Variants in KCMF1 observed in about 807,000 individuals in gnomAD.
The protein encoded by KCMF1 is potassium channel modulatory factor 1, also known as E3 ubiquitin-protein ligase KCMF1.
A neutral mutation model predicts 41.1 loss-of-function variants in KCMF1; 3 were observed. The observed-to-expected ratio is 0.07, with a 90% confidence interval of 0.03 to 0.19. The LOEUF is 0.19. Ranked by LOEUF, KCMF1 falls within the 10% of genes least tolerant of loss-of-function variation. The pLI is 1.00. For synonymous variants in KCMF1, 142 were observed against 164.5 expected (o/e 0.86, Z 1.04); for missense variants, 286 against 488.9 (o/e 0.58, Z 3.91).
chr2:85,000,804 G>C (rs1674307124), intron 1 of KCMF1, among the ~76,000 whole-genome samples: 1 of 144,632 alleles, frequency 6.9e-6, no homozygotes. Context: ...TAAGAGTCAG[G>C]GTCTTGCTTT....
At position 85,053,610 on chromosome 2, in the gene KCMF1, G is replaced by A; in HGVS notation, c.*201G>A. 1.6e-6 allele frequency: 1 copy of A among 615,470 alleles called. No individual in the cohort carries two copies. The highest frequency in any genetic ancestry group is 2.1e-5 in the South Asian group (1 of 48,456). 38.1% of individuals were successfully genotyped at this position (615,470 alleles called of 1,614,324 possible). A position where few individuals can be genotyped will look rare whatever the true frequency, so the allele number is the denominator to read the frequency against. ...TTTTACTTCTAGCAGGTAAATGTAGGTAGCAGTGCAGGGGTGATCTCTGCT... is the reference window on the plus strand; with the variant it reads ...TTTTACTTCTAGCAGGTAAATGTAGATAGCAGTGCAGGGGTGATCTCTGCT... On this transcript the variant is annotated 3_prime_UTR_variant, in exon 7 of 7. Transcript: ENST00000409785.
At chr2:85,020,774 CTT>C (rs1182013082) in intron 1 of KCMF1, among the ~76,000 whole-genome samples, 1 of 152,194 alleles carries the variant, frequency 6.6e-6, no homozygotes, top group Non-Finnish European at 1.5e-5. Flanking sequence ...TATTCCATCT[CTT>C]TGCTCAGGTA....
At chr2:85,044,802 G>A (rs577543826) in intron 4 of KCMF1, among the ~76,000 whole-genome samples, 1 of 152,350 alleles carries the variant, frequency 6.6e-6, no homozygotes, top group East Asian at 1.9e-4. Context: ...TCAGGCGTGA[G>A]CCACCACGCC....
chr2:84,989,717 G>C (rs1207323315), intron 1 of KCMF1, among the ~76,000 whole-genome samples: 1 of 152,180 alleles, frequency 6.6e-6, no homozygotes, highest in African/African-American at 2.4e-5. Flanking sequence ...CATTCATCAT[G>C]ATGCATATAG....
At chr2:85,027,802 G>A (rs567317168) in intron 1 of KCMF1, 87 bp from the exon 2 acceptor site, 4 of 785,640 alleles carry the variant, frequency 5.1e-6, no homozygotes, top group East Asian at 2.7e-5. Flanking sequence ...GACATATGAG[G>A]TTAAATGAGC....
intron 2 of KCMF1, among the ~76,000 whole-genome samples, chr2:85,029,934 G>A (rs959374618): frequency 9.2e-5 from 14 of 151,736 alleles, no homozygotes; most frequent in Non-Finnish European, 1.3e-4. Flanking sequence ...ATCCACTTGC[G>A]GGCCTCCCAG....
chr2:84,994,553 G>A (rs1574012265), intron 1 of KCMF1, among the ~76,000 whole-genome samples: 1 of 152,004 alleles, frequency 6.6e-6, no homozygotes, highest in Non-Finnish European at 1.5e-5. Context: ...ACAGGCATGC[G>A]CCGCCACACC....
intron 1 of KCMF1, among the ~76,000 whole-genome samples, chr2:85,007,246 T>G (rs1449040493): frequency 6.6e-6 from 1 of 152,222 alleles, no homozygotes; most frequent in Admixed American, 6.5e-5. Context: ...ACATATTGTT[T>G]AGTTATGAAA....
At chr2:85,018,267 A>ATT (rs373718008) in intron 1 of KCMF1, among the ~76,000 whole-genome samples, 2,006 of 126,808 alleles carry the variant, frequency 0.016, 28 homozygotes, top group South Asian at 0.051. Flanking sequence ...ACTAAGCTAG[A>ATT]TTTTTTTTTT....
chr2:85,032,028 G>T (rs1049241289), intron 2 of KCMF1, among the ~76,000 whole-genome samples: 1 of 152,156 alleles, frequency 6.6e-6, no homozygotes, highest in Non-Finnish European at 1.5e-5. Context: ...ATGAGCCACC[G>T]CGGCTGTTTT....
chr2:84,996,200 T>A (rs140725949), intron 1 of KCMF1, among the ~76,000 whole-genome samples: 1 of 152,200 alleles, frequency 6.6e-6, no homozygotes, highest in Non-Finnish European at 1.5e-5. Flanking sequence ...TTGACAGTTA[T>A]GTGAAAGGTG....
intron 1 of KCMF1, among the ~76,000 whole-genome samples, chr2:85,007,652 A>G (rs1674505409): frequency 6.6e-6 from 1 of 152,228 alleles, no homozygotes; most frequent in Admixed American, 6.5e-5. Context: ...AGTCCAGATA[A>G]GATACGGGGA....
At chr2:85,007,299 A>ATT (rs1674497496) in intron 1 of KCMF1, among the ~76,000 whole-genome samples, 5 of 152,208 alleles carry the variant, frequency 3.3e-5, no homozygotes, top group Admixed American at 2.0e-4. Flanking sequence ...AGGAAAGAGC[A>ATT]GTTTGCACTA....
intron 3 of KCMF1, among the ~76,000 whole-genome samples, chr2:85,036,762 A>G (rs1191875456): frequency 6.6e-6 from 1 of 151,374 alleles, no homozygotes; most frequent in Non-Finnish European, 1.5e-5. Flanking sequence ...ACTGCATTGC[A>G]CTGCAGCCTG....
In KCMF1 at chr2:85,058,566, A is replaced by G. The variant is rs1236875123; in HGVS notation, c.*5157A>G. The G allele has an allele frequency of 6.6e-6, 1 of 152,158 alleles. No individual in the cohort carries two copies. The highest frequency in any genetic ancestry group is 2.4e-5 in the African/African-American group (1 of 41,432). 9.4% of individuals were successfully genotyped at this position (152,158 alleles called of 1,614,324 possible). ...CTGTAGAATGTTGGCTCCTCTGTCT[A>G]TAGAAACCATCAGTTCGCTGCTCTC... On this transcript the variant is annotated 3_prime_UTR_variant, in exon 7 of 7. Transcript: ENST00000409785.
intron 1 of KCMF1, among the ~76,000 whole-genome samples, chr2:84,974,687 A>G (rs1171167014): frequency 2.8e-5 from 1 of 35,468 alleles, no homozygotes; most frequent in African/African-American, 1.4e-4. Flanking sequence ...ATATATATAT[A>G]TATATTTTTT....
At chr2:85,006,817 T>C (rs942373417) in intron 1 of KCMF1, among the ~76,000 whole-genome samples, 77 of 151,434 alleles carry the variant, frequency 5.1e-4, no homozygotes, top group African/African-American at 1.8e-3. Flanking sequence ...TATTAAGAAA[T>C]AGAACATCTC....
At chr2:85,047,426 A>C (rs1253931901) in intron 5 of KCMF1, among the ~76,000 whole-genome samples, 3 of 152,166 alleles carry the variant, frequency 2.0e-5, no homozygotes, top group African/African-American at 4.8e-5. Flanking sequence ...ACATTCCACC[A>C]CATGGACACA....
chr2:84,975,239 C>A (rs777524616), intron 1 of KCMF1, among the ~76,000 whole-genome samples: 31 of 151,324 alleles, frequency 2.0e-4, no homozygotes, highest in Non-Finnish European at 3.7e-4. Context: ...GAGAATCCAT[C>A]TCCAAAAAAA....
Sources: allele counts gnomAD v4.1 joint callset (sites outside exome capture counted in the v4.1 genomes callset), GRCh38; gene constraint gnomAD v4.1.1; transcripts MANE v1.5; gene names NCBI Gene and HGNC (gene_info 2026-07-23, HGNC 2026-07-21).